The following KCNIP4 variants were observed in gnomAD, a reference collection of about 807,000 sequenced individuals.
KCNIP4 encodes Kv channel-interacting protein 4.
KCNIP4 carries 12 observed loss-of-function variants against 34.0 expected under a neutral mutation model. That is an observed-to-expected ratio of 0.35 (90% CI 0.23 to 0.57). The LOEUF (loss-of-function observed/expected upper bound fraction) is 0.57, where lower values mean the gene tolerates loss of function less well. KCNIP4 is among the 20% of genes least tolerant of loss of function. The pLI is 0.83. For missense variants in KCNIP4, 238 were observed against 311.7 expected, an observed-to-expected ratio of 0.76 and a Z score of 1.78; for synonymous variants, 124 against 102.2, an observed-to-expected ratio of 1.21 and a Z score of -1.29.
intron 1 of KCNIP4, among the ~76,000 whole-genome samples, chr4:21,096,193 T>C (rs1332277733): frequency 2.0e-5 from 3 of 152,112 alleles, no homozygotes; most frequent in Non-Finnish European, 4.4e-5. Flanking sequence ...GTTGATATTA[T>C]TGTTCCACTA....
intron 1 of KCNIP4, among the ~76,000 whole-genome samples, chr4:21,946,581 T>C (rs755559163): frequency 1.3e-5 from 2 of 152,172 alleles, no homozygotes; most frequent in Non-Finnish European, 2.9e-5. Context: ...TTGGTGAAAA[T>C]AGTATTACAT....
chr4:21,661,578 T>C (rs1748456428), intron 1 of KCNIP4, among the ~76,000 whole-genome samples: 1 of 152,122 alleles, frequency 6.6e-6, no homozygotes, highest in Non-Finnish European at 1.5e-5. Context: ...TGAATAGCAA[T>C]CCAGTTCTCA....
intron 5 of KCNIP4, among the ~76,000 whole-genome samples, chr4:20,747,775 G>GA (rs1217273064): frequency 6.6e-6 from 1 of 152,176 alleles, no homozygotes; most frequent in Non-Finnish European, 1.5e-5. Context: ...CATGGAGTAT[G>GA]TGTGAGGAGG....
At chr4:20,957,554 G>T (rs1267321157) in intron 1 of KCNIP4, among the ~76,000 whole-genome samples, 1 of 150,106 alleles carries the variant, frequency 6.7e-6, no homozygotes, top group Non-Finnish European at 1.5e-5. Context: ...TGGCTTCAAA[G>T]CCTATGTCCT....
chr4:21,528,111 A>C (rs1736128131), intron 1 of KCNIP4, among the ~76,000 whole-genome samples: 1 of 152,176 alleles, frequency 6.6e-6, no homozygotes, highest in African/African-American at 2.4e-5. Context: ...ACTTAATTGA[A>C]TGTCACTCTC....
chr4:20,775,635 A>C (rs1756308793), intron 3 of KCNIP4, among the ~76,000 whole-genome samples: 1 of 152,050 alleles, frequency 6.6e-6, no homozygotes, highest in Admixed American at 6.6e-5. Context: ...CTTGAGCCCA[A>C]GAGTTTGAGG....
At chr4:20,883,012 T>G (rs78483450) in intron 1 of KCNIP4, among the ~76,000 whole-genome samples, 52 of 93,548 alleles carry the variant, frequency 5.6e-4, no homozygotes, top group Admixed American at 2.0e-4. Context: ...CTGGTGGTTT[T>G]TTTTTTTTTT....
At chr4:21,463,536 G>A (rs1729657935) in intron 1 of KCNIP4, among the ~76,000 whole-genome samples, 1 of 151,248 alleles carries the variant, frequency 6.6e-6, no homozygotes, top group Non-Finnish European at 1.5e-5. Flanking sequence ...CTTTCACTTA[G>A]TATAATATTT....
intron 3 of KCNIP4, among the ~76,000 whole-genome samples, chr4:20,816,263 A>C (rs1163609940): frequency 6.6e-6 from 1 of 151,984 alleles, no homozygotes; most frequent in African/African-American, 2.4e-5. Flanking sequence ...CAAAAAAAAA[A>C]AAAAAAACCT....
chr4:20,764,236 A>AGAGT (rs1755195018), intron 3 of KCNIP4, among the ~76,000 whole-genome samples: 1 of 152,218 alleles, frequency 6.6e-6, no homozygotes, highest in Admixed American at 6.5e-5. Context: ...GACTACTGTA[A>AGAGT]GAGTATATTG....
At chr4:20,934,310 A>G (rs973540614) in intron 1 of KCNIP4, among the ~76,000 whole-genome samples, 1 of 152,206 alleles carries the variant, frequency 6.6e-6, no homozygotes, top group South Asian at 2.1e-4. Context: ...GTCATGTAGC[A>G]TGGTGGCCAC....
intron 4 of KCNIP4, among the ~76,000 whole-genome samples, chr4:20,750,399 G>A (rs531924418): frequency 3.9e-5 from 6 of 152,262 alleles, no homozygotes; most frequent in Admixed American, 2.6e-4. Context: ...GAAGGGGACT[G>A]GGTGGTCCTA....
In KCNIP4 at chr4:21,714,991, T is replaced by C. The variant is rs1450867564; in HGVS notation, c.61+233580A>G. 8.2e-4 allele frequency among the ~76,000 whole-genome samples: 2 copies of C among 2,442 alleles called. 1 individual carries two copies. Among genetic ancestry groups the C allele is most frequent in the Non-Finnish European group, 9.7e-4 (2 of 2,060 alleles). 1.6% of individuals were successfully genotyped at this position (2,442 alleles called of 152,430 possible). ...TTTATTTTATTTTATTTTATTTTAT[T>C]TTATTTTATTTTATTTTATTTTATT... On this transcript the variant is annotated intron_variant, in intron 1 of 8. Coordinates refer to ENST00000382152, the MANE Select transcript of KCNIP4 (RefSeq NM_025221.6).
chr4:20,853,399 C>T (rs867910817), intron 2 of KCNIP4, among the ~76,000 whole-genome samples: 17 of 152,144 alleles, frequency 1.1e-4, no homozygotes, highest in Admixed American at 1.3e-4. Context: ...GGAAAGGACA[C>T]CCTTTTCAAC....
intron 4 of KCNIP4, among the ~76,000 whole-genome samples, chr4:20,756,663 G>A (rs529381464): frequency 6.6e-6 from 1 of 151,986 alleles, no homozygotes; most frequent in Admixed American, 6.6e-5. Context: ...CTCCCTAGTA[G>A]TTCATCCAGG....
intron 1 of KCNIP4, among the ~76,000 whole-genome samples, chr4:21,526,521 T>C (rs1735987457): frequency 6.6e-6 from 1 of 152,102 alleles, no homozygotes; most frequent in Non-Finnish European, 1.5e-5. Context: ...AAAATTGAAG[T>C]TATGCACCTT....
intron 1 of KCNIP4, among the ~76,000 whole-genome samples, chr4:21,280,759 A>G (rs1762725136): frequency 6.6e-6 from 1 of 152,192 alleles, no homozygotes; most frequent in South Asian, 2.1e-4. Context: ...CAATTAGAAC[A>G]CTGGAAAACC....
chr4:21,803,394 G>A (rs550409561), intron 1 of KCNIP4, among the ~76,000 whole-genome samples: 19 of 152,096 alleles, frequency 1.2e-4, no homozygotes, highest in Middle Eastern at 3.4e-3. Context: ...CACATCCAAC[G>A]TGGATCCTCC....
intron 1 of KCNIP4, among the ~76,000 whole-genome samples, chr4:21,090,385 A>C (rs1016612461): frequency 2.3e-4 from 35 of 152,200 alleles, no homozygotes; most frequent in African/African-American, 8.2e-4. Flanking sequence ...TTCAATGCAC[A>C]GCCCTGAGAG....
Sources: gnomAD v4.1 joint callset for allele counts (sites outside exome capture counted in the v4.1 genomes callset) on GRCh38, gnomAD v4.1.1 for gene constraint, MANE v1.5 for transcripts, NCBI Gene and HGNC (gene_info 2026-07-23, HGNC 2026-07-21) for gene names.